The following LGR6 variants were observed in gnomAD, a reference collection of about 807,000 sequenced individuals.
The protein encoded by LGR6 is leucine-rich repeat-containing G protein-coupled receptor 6.
Under a neutral mutation model 69.4 loss-of-function variants are expected in LGR6, and 45 were observed. The observed-to-expected ratio is 0.65, with a 90% CI of 0.51 to 0.83. The LOEUF is 0.83. Among genes scored for constraint, LGR6 ranks in the 40% least tolerant of loss-of-function variants. The pLI is 0.00. For missense variants in LGR6, 1,108 were observed against 1,246.7 expected, an observed-to-expected ratio of 0.89 and a Z score of 1.68; for synonymous variants, 538 against 555.0, an observed-to-expected ratio of 0.97 and a Z score of 0.43.
At chr1:202,280,730 GGCCCCA>G in intron 5 of LGR6, 45 bp from the exon 6 acceptor site, 2 of 1,531,646 alleles carry the variant, frequency 1.3e-6, no homozygotes, top group Non-Finnish European at 1.8e-6. Flanking sequence ...TCCATCCCCT[GGCCCCA>G]GTGCCGTGGG....
intron 1 of LGR6, among the ~76,000 whole-genome samples, chr1:202,196,557 T>A (rs1658648715): frequency 6.6e-6 from 1 of 152,230 alleles, no homozygotes; most frequent in South Asian, 2.1e-4. Flanking sequence ...TGCCACCTAC[T>A]GAGAATCACT....
chr1:202,289,730 C>G (rs1381169953), intron 6 of LGR6, among the ~76,000 whole-genome samples: 2 of 152,166 alleles, frequency 1.3e-5, no homozygotes, highest in Non-Finnish European at 2.9e-5. Flanking sequence ...CACGTGGAGT[C>G]ATATTTAGGA....
At chr1:202,302,938 G>A (rs980715762) in intron 9 of LGR6, among the ~76,000 whole-genome samples, 13 of 152,154 alleles carry the variant, frequency 8.5e-5, no homozygotes, top group Admixed American at 3.9e-4. Flanking sequence ...GCAGCCAAGG[G>A]CTTCTCCAGA....
At position 202,318,676 on chromosome 1, in the gene LGR6, C is replaced by A. The variant is rs1232412071; in HGVS notation, c.2373C>A (p.Phe791Leu). The A allele has an allele frequency of 6.2e-7, 1 of 1,613,678 alleles. No homozygotes were observed. The highest frequency in any genetic ancestry group is 2.2e-5 in the East Asian group (1 of 44,892). ...GGCTCCTCTACTGTCCCGTGGCCTT[C>A]CTCAGCTTTGCCTCCATGCTGGGCC... Reference protein sequence around the residue: ...ADGLLYCPVAFLSFASMLGLF... With the variant: ...ADGLLYCPVALLSFASMLGLF... Residue 791 changes from phenylalanine (F) to leucine (L), a missense_variant, in exon 18 of 18, where the codon TTC becomes TTA. Phe to Leu is a conservative substitution (Grantham distance 22). Transcript: ENST00000367278.
At chr1:202,198,571 G>T (rs1236880274) in intron 1 of LGR6, among the ~76,000 whole-genome samples, 1 of 152,150 alleles carries the variant, frequency 6.6e-6, no homozygotes, top group Non-Finnish European at 1.5e-5. Context: ...TCTATGAAAG[G>T]CATAGGATAG....
Position 202,310,300 on chromosome 1 carries a change from G to A in LGR6, c.1510G>A (p.Asp504Asn). Residue 504 changes from aspartate to asparagine, a missense_variant, in exon 16 of 18, where the codon GAT becomes AAT. Transcript: ENST00000367278. ...QWEAEDLHLD[D>N]EESSKRPLGL... ...GGAGGCTGAAGACCTTCACCTTGATGATGAGGAGTCTTCAAAAAGGCCCCT... is the reference window on the plus strand; with the variant it reads ...GGAGGCTGAAGACCTTCACCTTGATAATGAGGAGTCTTCAAAAAGGCCCCT... 1 of 1,614,114 alleles carries A rather than the reference G, an allele frequency of 6.2e-7. No individual in the cohort carries two copies. Among genetic ancestry groups the A allele is most frequent in the Non-Finnish European group, 8.5e-7 (1 of 1,180,008 alleles).
intron 1 of LGR6, chr1:202,214,351 T>A: frequency 9.3e-7 from 1 of 1,073,160 alleles, no homozygotes; most frequent in Non-Finnish European, 1.3e-6. Context: ...GGGCCGGCCC[T>A]AATCCCCTTC....
chr1:202,263,232 C>T (rs1460497673), intron 4 of LGR6, among the ~76,000 whole-genome samples: 2 of 152,092 alleles, frequency 1.3e-5, no homozygotes, highest in Non-Finnish European at 2.9e-5. Flanking sequence ...AAGCAATTCT[C>T]CTGCCTCAGC....
At chr1:202,290,577 A>AT (rs1301678526) in intron 6 of LGR6, among the ~76,000 whole-genome samples, 2 of 152,180 alleles carry the variant, frequency 1.3e-5, no homozygotes, top group Admixed American at 6.5e-5. Context: ...TTCCTCATCA[A>AT]TAAAAAAAAG....
chr1:202,312,107 G>A (rs991282547), intron 16 of LGR6, among the ~76,000 whole-genome samples: 6 of 152,360 alleles, frequency 3.9e-5, no homozygotes, highest in South Asian at 2.1e-4. Flanking sequence ...ACCACAGGGC[G>A]TCAAGATCGT....
chr1:202,212,382 C>T lies in LGR6; in HGVS notation c.213-13041C>T, dbSNP rs779695335. ...CACTGAGGCTCTGCTGATTGTTCCC[C>T]GCTTACCTGGGTTAGTTTCCAGTGG... is the stretch of plus-strand genomic sequence containing the variant. On this transcript the variant is annotated intron_variant, in intron 1 of 17. Transcript: ENST00000367278. Among the ~76,000 whole-genome samples, 258 of 152,250 alleles carry T rather than the reference C, an allele frequency of 1.7e-3. 4 individuals are homozygous for T. The highest frequency in any genetic ancestry group is 4.1e-4 in the Non-Finnish European group (28 of 68,016).
At chr1:202,221,925 C>G (rs1346430340) in intron 1 of LGR6, among the ~76,000 whole-genome samples, 1 of 140,228 alleles carries the variant, frequency 7.1e-6, no homozygotes. Context: ...CCTCCCAGGA[C>G]AGTCATATGT....
Position 202,301,143 on chromosome 1 carries a change from GT to G in LGR6, c.858-18del. The G allele has an allele frequency of 6.2e-7, 1 of 1,613,096 alleles. No individual in the cohort carries two copies. Among genetic ancestry groups the G allele is most frequent in the East Asian group, 2.2e-5 (1 of 44,880 alleles). On this transcript the variant is annotated intron_variant, in intron 8 of 17. Coordinates refer to ENST00000367278, the MANE Select transcript of LGR6 (RefSeq NM_001017403.2). Reference sequence around the variant, plus strand: ...AAAGGCCTGAAAAACCCAATTAGGTGTTTGGACCTTCTTCTTCCAGACACTT... The same window carrying G: ...AAAGGCCTGAAAAACCCAATTAGGTGTTGGACCTTCTTCTTCCAGACACTT...
At chr1:202,196,024 G>C (rs1209645161) in intron 1 of LGR6, among the ~76,000 whole-genome samples, 1 of 152,166 alleles carries the variant, frequency 6.6e-6, no homozygotes, top group African/African-American at 2.4e-5. Flanking sequence ...TTCTGAGCTG[G>C]TCTGTGTCTT....
chr1:202,256,928 CGT>C, intron 4 of LGR6, among the ~76,000 whole-genome samples: 1 of 152,214 alleles, frequency 6.6e-6, no homozygotes, highest in South Asian at 2.1e-4. Flanking sequence ...AGTGGTATCT[CGT>C]TGTGGTTCTG....
chr1:202,295,683 T>C (rs2148237093), intron 6 of LGR6, among the ~76,000 whole-genome samples: 1 of 152,330 alleles, frequency 6.6e-6, no homozygotes, highest in African/African-American at 2.4e-5. Context: ...CATCCTGGCC[T>C]CCGCCTGACC....
chr1:202,279,154 G>A (rs1469311374), intron 5 of LGR6, among the ~76,000 whole-genome samples: 1 of 152,150 alleles, frequency 6.6e-6, no homozygotes. Context: ...GAATGATAGA[G>A]TTTGATGACA....
intron 1 of LGR6, among the ~76,000 whole-genome samples, chr1:202,217,939 A>C (rs1313006629): frequency 6.6e-6 from 1 of 152,060 alleles, no homozygotes; most frequent in Non-Finnish European, 1.5e-5. Context: ...ATGGAAGTAC[A>C]CTCCCTTGTT....
chr1:202,228,389 G>T (rs572947602), intron 3 of LGR6, among the ~76,000 whole-genome samples: 5 of 152,236 alleles, frequency 3.3e-5, no homozygotes, highest in East Asian at 3.9e-4. Context: ...GGAAATACAG[G>T]TGGCTTTTCT....
Sources: allele counts gnomAD v4.1 joint callset (sites outside exome capture counted in the v4.1 genomes callset), GRCh38; gene constraint gnomAD v4.1.1; transcripts MANE v1.5; gene names NCBI Gene and HGNC (gene_info 2026-07-23, HGNC 2026-07-21).